Variants in SMG1 observed in about 807,000 individuals in gnomAD.
SMG1 encodes serine/threonine-protein kinase SMG1.
Under a neutral mutation model 419.9 loss-of-function variants are expected in SMG1, and 22 were observed. The observed-to-expected ratio is 0.05, with a 90% CI of 0.04 to 0.07. SMG1 has a LOEUF of 0.07. Ranked by LOEUF, SMG1 falls within the 10% of genes least tolerant of loss-of-function variation. The pLI, the probability that SMG1 is intolerant of heterozygous loss-of-function variation, is 1.00. For missense variants in SMG1, 3,185 were observed against 4,342.0 expected (o/e 0.73, Z 7.49); for synonymous variants, 1,538 against 1,553.5 (o/e 0.99, Z 0.23).
chr16:18,906,475 C>G (rs1440738367), intron 1 of SMG1, among the ~76,000 whole-genome samples: 1 of 151,892 alleles, frequency 6.6e-6, no homozygotes, highest in Non-Finnish European at 1.5e-5. Flanking sequence ...ATAATAAGAG[C>G]GAAACTCCGT....
intron 10 of SMG1, among the ~76,000 whole-genome samples, chr16:18,880,724 G>GA (rs1010006356): frequency 7.1e-6 from 1 of 140,626 alleles, no homozygotes; most frequent in Non-Finnish European, 1.5e-5. Context: ...AAAAAAAAGG[G>GA]GGGGGGCGCG....
chr16:18,909,245 G>C (rs865785882), intron 1 of SMG1, among the ~76,000 whole-genome samples: 2 of 152,050 alleles, frequency 1.3e-5, no homozygotes, highest in Admixed American at 6.6e-5. Flanking sequence ...GGGAGGCTGA[G>C]GCAGGAGAAT....
In SMG1 at chr16:18,832,909, C is replaced by T. The variant is rs374459288; in HGVS notation, c.8792+31G>A. The T allele has an allele frequency of 1.6e-4, 257 of 1,580,798 alleles. No individual in the cohort carries two copies. In the African/African-American group the frequency reaches 3.2e-3, roughly 20 times the overall value. On this transcript the variant is annotated intron_variant, in intron 51 of 62. Transcript: ENST00000446231. ...TTCTCTGGCTGTCCCATCTCTTTTA[C>T]AAGGAAACGGCACAGCCAGCATTCA...
chr16:18,884,246 G>T, intron 8 of SMG1, 79 bp from the exon 9 acceptor site: 2 of 668,408 alleles, frequency 3.0e-6, no homozygotes, highest in Non-Finnish European at 5.1e-6. Context: ...AAAATAAGAG[G>T]CTTGTTTTAA....
rs1367921088 is a variant in SMG1 at position 18,847,802 on chromosome 16, G to C, written c.5841+14C>G. On this transcript the variant is annotated intron_variant, in intron 37 of 62. Coordinates refer to ENST00000446231, the MANE Select transcript of SMG1 (RefSeq NM_015092.5). Reference sequence around the variant, plus strand: ...TATAAAAAATTCTTCTACAACATGTGAGTTTCTTTGTACCTGTAATACCAT... The same window carrying C: ...TATAAAAAATTCTTCTACAACATGTCAGTTTCTTTGTACCTGTAATACCAT... The C allele has an allele frequency of 6.2e-7, 1 of 1,608,786 alleles. No individual in the cohort carries two copies. The highest frequency in any genetic ancestry group is 1.1e-5 in the South Asian group (1 of 90,058).
rs762868179 is a variant in SMG1 at position 18,860,756 on chromosome 16, G to A, written c.3716C>T (p.Ser1239Phe). 3 of 1,516,180 alleles carry A rather than the reference G, an allele frequency of 2.0e-6. No individual in the cohort carries two copies. Among genetic ancestry groups the A allele is most frequent in the South Asian group, 2.3e-5 (2 of 86,586 alleles). 93.9% of individuals were successfully genotyped at this position (1,516,180 alleles called of 1,614,324 possible). ...CTCGGTACATTCAACAAATTTTCCAGACTCAAAGCTGCTTAATGATCTGTA... is the reference window on the plus strand; with the variant it reads ...CTCGGTACATTCAACAAATTTTCCAAACTCAAAGCTGCTTAATGATCTGTA... Reference protein sequence around the residue: ...NYIKSLSSFESGKFVECTEQL... With the variant: ...NYIKSLSSFEFGKFVECTEQL... Residue 1239 changes from serine (S) to phenylalanine (F), a missense_variant, in exon 26 of 63, where the codon TCT (serine) becomes TTT (phenylalanine). Transcript: ENST00000446231.
intron 33 of SMG1, among the ~76,000 whole-genome samples, chr16:18,851,694 C>G (rs2034607698): frequency 6.6e-6 from 1 of 152,126 alleles, no homozygotes; most frequent in Non-Finnish European, 1.5e-5. Context: ...AGGCATGCAC[C>G]ACCACACCCT....
At chr16:18,894,962 C>T (rs12444418) in intron 3 of SMG1, among the ~76,000 whole-genome samples, 46,826 of 151,828 alleles carry the variant, frequency 0.31, 7,970 homozygotes, top group Non-Finnish European at 0.39. Flanking sequence ...GGGCTACAGG[C>T]GCCCACCACC....
In SMG1 at chr16:18,838,696, GAAA is replaced by G. The variant is rs533443847; in HGVS notation, c.6946-10_6946-8del. 349 of 1,567,706 alleles carry G rather than the reference GAAA, an allele frequency of 2.2e-4. 2 individuals carry two copies. The African/African-American group carries it at 4.3e-3, about 20-fold the overall frequency. ...CAGTAGATCTTGCATAAGACTAAAG[GAAA>G]GGAAATGGGGGCAGCAAGTGAAACA... On this transcript the variant is annotated splice_polypyrimidine_tract_variant and splice_region_variant and intron_variant, in intron 42 of 62. Transcript: ENST00000446231.
At chr16:18,887,265 G>C (rs908196995) in intron 6 of SMG1, among the ~76,000 whole-genome samples, 1 of 152,144 alleles carries the variant, frequency 6.6e-6, no homozygotes, top group Non-Finnish European at 1.5e-5. Flanking sequence ...ATAAGCCCGA[G>C]CTGGTGGCAT....
rs766720206 is a variant in SMG1 at position 18,876,393 on chromosome 16, C to T, written c.1621G>A (p.Val541Ile). ...TAAACAGCATGGGCTACAGCAACAA[C>T]CTGAAAAACAAAAAATTCAAGGAAG... ...LFLRYHKEKE[V>I]VAVAHAVYQA... The change falls in exon 13 of 63, where the codon GTT becomes ATT. Residue 541 changes from valine to isoleucine, a missense_variant and splice_region_variant. Physicochemically the swap from Val to Ile is conservative, Grantham distance 29 (BLOSUM62 3). Around this residue, in one of 27 missense-constraint regions of SMG1, gnomAD observed 297 missense variants for 491.0 expected, o/e 0.60. Coordinates refer to ENST00000446231, the MANE Select transcript of SMG1 (RefSeq NM_015092.5). 1.7e-5 allele frequency: 27 copies of T among 1,598,670 alleles called. No individual in the cohort carries two copies. Among genetic ancestry groups the T allele is most frequent in the Non-Finnish European group, 2.3e-5 (27 of 1,173,024 alleles).
rs376320038 is a variant in SMG1 at position 18,845,565 on chromosome 16, G to A, written c.6083C>T (p.Thr2028Ile). ...VFALEHVRSI[T>I]AAPAETPHEK... ...ATGAGGTGTTTCTGCAGGAGCCGCTGTGATACTCCTCACATGCTCCAAAGC... is the reference window on the plus strand; with the variant it reads ...ATGAGGTGTTTCTGCAGGAGCCGCTATGATACTCCTCACATGCTCCAAAGC... The change falls in exon 39 of 63, where the codon ACA becomes ATA. Residue 2028 changes from threonine to isoleucine, a missense_variant. Around this residue, in one of 27 missense-constraint regions of SMG1, gnomAD observed 159 missense variants for 196.0 expected, o/e 0.81. Coordinates refer to ENST00000446231, the MANE Select transcript of SMG1 (RefSeq NM_015092.5). The A allele has an allele frequency of 2.4e-5, 39 of 1,613,734 alleles. No homozygotes were observed. The African/African-American group carries it at 4.1e-4, about 17-fold the overall frequency.
At position 18,847,470 on chromosome 16, in the gene SMG1, G is replaced by C; in HGVS notation, c.5979C>G (p.Asn1993Lys). Reference sequence around the variant, plus strand: ...AAACATACTTGCGTAAGGTGTTGTTGTTCTGGACTCTCTTCACCTCATCTT... The same window carrying C: ...AAACATACTTGCGTAAGGTGTTGTTCTTCTGGACTCTCTTCACCTCATCTT... ...QLEDEVKRVQNNNTLRKEEKI... is the reference protein window; with the variant it reads ...QLEDEVKRVQKNNTLRKEEKI... The change falls in exon 38 of 63, where the codon AAC becomes AAG. Residue 1993 changes from asparagine to lysine, a missense_variant. Transcript: ENST00000446231. 1 of 1,614,040 alleles carries C rather than the reference G, an allele frequency of 6.2e-7. No homozygotes were observed. Among genetic ancestry groups the C allele is most frequent in the South Asian group, 1.1e-5 (1 of 91,080 alleles).
chr16:18,840,559 G>T (rs1398566104), intron 41 of SMG1, among the ~76,000 whole-genome samples: 1 of 152,068 alleles, frequency 6.6e-6, no homozygotes, highest in Non-Finnish European at 1.5e-5. Flanking sequence ...AATATCCTAA[G>T]AGCTTAGTAC....
chr16:18,894,971 C>G (rs934168724), intron 3 of SMG1, among the ~76,000 whole-genome samples: 1 of 152,046 alleles, frequency 6.6e-6, no homozygotes, highest in African/African-American at 2.4e-5. Flanking sequence ...GCGCCCACCA[C>G]CGCACCCGGC....
At chr16:18,831,805 A>G (rs941921782) in intron 51 of SMG1, among the ~76,000 whole-genome samples, 3 of 149,234 alleles carry the variant, frequency 2.0e-5, no homozygotes, top group African/African-American at 7.3e-5. Context: ...ACACACGTAC[A>G]TATTTATGAA....
intron 15 of SMG1, among the ~76,000 whole-genome samples, chr16:18,871,828 A>C: frequency 6.6e-6 from 1 of 151,912 alleles, no homozygotes; most frequent in Non-Finnish European, 1.5e-5. Flanking sequence ...AATCGCGGCT[A>C]CTTGGGAGGC....
chr16:18,912,123 TAGAG>T (rs915046734), intron 1 of SMG1, among the ~76,000 whole-genome samples: 3 of 148,544 alleles, frequency 2.0e-5, no homozygotes, highest in Non-Finnish European at 3.0e-5. Flanking sequence ...TAAAGACACT[TAGAG>T]AGGAATCTAA....
intron 36 of SMG1, 128 bp downstream of exon 36, chr16:18,849,089 A>ACCC: frequency 3.6e-6 from 1 of 273,976 alleles, no homozygotes; most frequent in Non-Finnish European, 6.5e-6. Context: ...AAAAAAAAAA[A>ACCC]AAAAAAAAAA....
Sources: allele counts gnomAD v4.1 joint callset (sites outside exome capture counted in the v4.1 genomes callset), GRCh38; gene constraint gnomAD v4.1.1; regional missense constraint gnomAD v4.1.1; transcripts MANE v1.5; gene names NCBI Gene and HGNC (gene_info 2026-07-23, HGNC 2026-07-21).